Variants in CNOT10 observed in about 807,000 individuals in gnomAD.
CNOT10 encodes CCR4-NOT transcription complex subunit 10.
Under a neutral mutation model 94.6 loss-of-function variants are expected in CNOT10, and 30 were observed. That is an observed-to-expected ratio of 0.32 (90% confidence interval 0.24 to 0.43). CNOT10 has a LOEUF of 0.43. CNOT10 is among the 20% of genes least tolerant of loss of function. CNOT10 has a pLI of 1.00. For synonymous variants in CNOT10, 289 were observed against 301.6 expected (o/e 0.96, Z 0.43); for missense variants, 759 against 877.2 (o/e 0.87, Z 1.70).
intron 1 of CNOT10, among the ~76,000 whole-genome samples, chr3:32,690,995 G>GA (rs1379517240): frequency 9.8e-6 from 1 of 102,358 alleles, no homozygotes; most frequent in Non-Finnish European, 1.8e-5. Context: ...CACTAGCTAT[G>GA]ACTTTTTTTT....
At chr3:32,740,766 C>G (rs1223468495) in intron 13 of CNOT10, among the ~76,000 whole-genome samples, 3 of 151,638 alleles carry the variant, frequency 2.0e-5, no homozygotes, top group East Asian at 3.9e-4. Flanking sequence ...GGAGGCTGAG[C>G]CAGGAGAATG....
intron 8 of CNOT10, among the ~76,000 whole-genome samples, chr3:32,722,101 A>G (rs546494796): frequency 3.6e-4 from 55 of 152,204 alleles, no homozygotes; most frequent in Non-Finnish European, 7.1e-4. Context: ...TTATTCGAGA[A>G]ATGAGGATAA....
At chr3:32,738,442 C>T (rs1238639219) in intron 13 of CNOT10, among the ~76,000 whole-genome samples, 2 of 151,690 alleles carry the variant, frequency 1.3e-5, no homozygotes, top group African/African-American at 4.8e-5. Context: ...TGTTCAACAA[C>T]ACTTTTTTCA....
At chr3:32,694,424 A>T (rs1030758396) in intron 1 of CNOT10, among the ~76,000 whole-genome samples, 2 of 152,186 alleles carry the variant, frequency 1.3e-5, no homozygotes, top group Non-Finnish European at 2.9e-5. Context: ...AACTTTAATA[A>T]ATTAAGTATT....
At chr3:32,704,538 T>G (rs1158953008) in intron 2 of CNOT10, among the ~76,000 whole-genome samples, 1 of 152,126 alleles carries the variant, frequency 6.6e-6, no homozygotes, top group Non-Finnish European at 1.5e-5. Context: ...AATACCCTGC[T>G]AGCACTATAT....
intron 1 of CNOT10, chr3:32,695,394 T>C (rs566017434): frequency 8.2e-5 from 39 of 478,090 alleles, no homozygotes; most frequent in African/African-American, 6.7e-4. Flanking sequence ...TTGATTTCCT[T>C]AGGTCTTTTA....
chr3:32,710,086 G>A (rs113437606), intron 4 of CNOT10, among the ~76,000 whole-genome samples: 3,247 of 145,600 alleles, frequency 0.022, 48 homozygotes, highest in East Asian at 0.049. Context: ...GGCCGAGGTT[G>A]CAGTGAGCCA....
At chr3:32,753,827 A>C (rs1446531332) in intron 13 of CNOT10, 1 of 1,560,832 alleles carries the variant, frequency 6.4e-7, no homozygotes, top group Admixed American at 1.7e-5. Context: ...TACAGTTTTG[A>C]GTACCAGCTG....
intron 1 of CNOT10, among the ~76,000 whole-genome samples, chr3:32,702,784 A>G (rs1280177801): frequency 6.6e-6 from 1 of 152,176 alleles, no homozygotes; most frequent in African/African-American, 2.4e-5. Flanking sequence ...GTCCTCATCT[A>G]CAGGGCTTGT....
intron 13 of CNOT10, among the ~76,000 whole-genome samples, chr3:32,745,472 G>A (rs56326565): frequency 1.1e-3 from 1 of 944 alleles, no homozygotes; most frequent in Non-Finnish European, 2.6e-3. Context: ...ATTAAGGATT[G>A]AATAAACATT....
chr3:32,737,805 C>CA lies in CNOT10; in HGVS notation c.1595+326dup, dbSNP rs34248172. Among the ~76,000 whole-genome samples the CA allele has an allele frequency of 1.1e-3, 150 of 142,260 alleles. 1 individual carries two copies. Among genetic ancestry groups the CA allele is most frequent in the South Asian group, 2.5e-3 (11 of 4,450 alleles). The allele number at this position is 142,260 out of a possible 152,430, so 93.3% of individuals were successfully genotyped here. On this transcript the variant is annotated intron_variant, in intron 13 of 18. Transcript: ENST00000328834. ...CACTCTAGCCTGAGCAACTCTGTCTCAAAAAAAAAAAGAACACATTCTTTT... is the reference window on the plus strand; with the variant it reads ...CACTCTAGCCTGAGCAACTCTGTCTCAAAAAAAAAAAAGAACACATTCTTTT...
chr3:32,698,024 T>C (rs1697159511), intron 1 of CNOT10, among the ~76,000 whole-genome samples: 2 of 152,226 alleles, frequency 1.3e-5, no homozygotes, highest in African/African-American at 4.8e-5. Context: ...GGTCCTAAAG[T>C]CCTGTGTCAC....
At chr3:32,733,327 C>G (rs1195720413) in intron 10 of CNOT10, 96 bp from the exon 11 acceptor site, 3 of 999,138 alleles carry the variant, frequency 3.0e-6, no homozygotes, top group Non-Finnish European at 4.3e-6. Flanking sequence ...TAAGAACTTT[C>G]TTAAATTTAG....
chr3:32,722,211 C>G (rs1698453500), intron 8 of CNOT10, among the ~76,000 whole-genome samples: 1 of 152,118 alleles, frequency 6.6e-6, no homozygotes, highest in African/African-American at 2.4e-5. Flanking sequence ...TACCCAGATA[C>G]ACGCACAGAA....
rs544661484 is a variant in CNOT10 at position 32,692,788 on chromosome 3, G to A, written c.22+7306G>A. Among the ~76,000 whole-genome samples, 48 of 152,184 alleles carry A rather than the reference G, an allele frequency of 3.2e-4. 2 individuals carry two copies. The South Asian group carries it at 9.3e-3, about 30-fold the overall frequency. The stretch of plus-strand genomic sequence containing the variant: ...GGGCTGGGTACAGTGACTCATGCCT[G>A]TAATCCCAGCACTTTGGGAGGCCAA... On this transcript the variant is annotated intron_variant, in intron 1 of 18. Coordinates refer to ENST00000328834, the MANE Select transcript of CNOT10 (RefSeq NM_015442.3).
At chr3:32,762,677 T>C (rs909683581) in intron 14 of CNOT10, 56 bp from the exon 15 acceptor site, 108 of 1,516,072 alleles carry the variant, frequency 7.1e-5, no homozygotes, top group Non-Finnish European at 9.3e-5. Context: ...TTATTTTACA[T>C]TGGGTATTTT....
At chr3:32,731,823 A>G (rs1348428302) in intron 10 of CNOT10, among the ~76,000 whole-genome samples, 8 of 152,080 alleles carry the variant, frequency 5.3e-5, no homozygotes, top group South Asian at 2.1e-4. Context: ...TCATGCCTGT[A>G]TTCCCAGCAC....
At chr3:32,686,629 A>G (rs567410134) in intron 1 of CNOT10, among the ~76,000 whole-genome samples, 31 of 152,324 alleles carry the variant, frequency 2.0e-4, no homozygotes, top group Middle Eastern at 3.4e-3. Context: ...TGAGGGAATG[A>G]GCCATAAGAA....
intron 1 of CNOT10, 72 bp downstream of exon 1, chr3:32,685,554 G>T (rs1696559485): frequency 1.3e-6 from 2 of 1,523,866 alleles, no homozygotes; most frequent in African/African-American, 2.8e-5. Flanking sequence ...ACTCGGAGGC[G>T]GCGGGGCCCG....
Sources: allele counts gnomAD v4.1 joint callset (sites outside exome capture counted in the v4.1 genomes callset), GRCh38; gene constraint gnomAD v4.1.1; transcripts MANE v1.5; gene names NCBI Gene and HGNC (gene_info 2026-07-23, HGNC 2026-07-21).